CNTNAP2: variants seen among roughly 807,000 people sequenced by gnomAD.
The protein encoded by CNTNAP2 is contactin-associated protein-like 2.
CNTNAP2 carries 98 observed loss-of-function variants against 155.2 expected under a neutral mutation model. The ratio of observed to expected loss-of-function variants is 0.63; its 90% CI spans 0.54 to 0.75. The LOEUF (loss-of-function observed/expected upper bound fraction) is 0.75, where lower values mean the gene tolerates loss of function less well. CNTNAP2 is among the 30% of genes least tolerant of loss of function. The pLI, the probability that CNTNAP2 is intolerant of heterozygous loss-of-function variation, is 0.00. For missense variants in CNTNAP2, 1,727 were observed against 1,688.1 expected (o/e 1.02, Z -0.40); for synonymous variants, 651 against 631.2 (o/e 1.03, Z -0.47).
At chr7:147,335,548 A>G (rs1795650201) in intron 9 of CNTNAP2, among the ~76,000 whole-genome samples, 3 of 152,192 alleles carry the variant, frequency 2.0e-5, no homozygotes, top group African/African-American at 4.8e-5. Flanking sequence ...TTGAGCCCCC[A>G]AAGAAAATAA....
Position 147,903,498 on chromosome 7 carries a change from G to A in CNTNAP2, c.2099-67G>A. 6.5e-6 allele frequency: 10 copies of A among 1,533,052 alleles called. No homozygotes were observed. In the African/African-American group the frequency reaches 6.8e-5, roughly 10 times the overall value. 95.0% of individuals were successfully genotyped at this position (1,533,052 alleles called of 1,614,324 possible). A position where few individuals can be genotyped will look rare whatever the true frequency, so the allele number is the denominator to read the frequency against. ...TCAGAGTATTCCTGGGGAAGTGGGT[G>A]TAAGTGTGGCAGTCTAATGACTGAA... On this transcript the variant is annotated intron_variant, in intron 13 of 23. Coordinates refer to ENST00000361727, the MANE Select transcript of CNTNAP2 (RefSeq NM_014141.6).
At chr7:147,751,223 C>G (rs1797130789) in intron 13 of CNTNAP2, among the ~76,000 whole-genome samples, 1 of 150,832 alleles carries the variant, frequency 6.6e-6, no homozygotes, top group African/African-American at 2.4e-5. Flanking sequence ...TATCTGAAAC[C>G]TTCTGTACTT....
At chr7:148,107,181 G>T (rs1021149913) in intron 15 of CNTNAP2, among the ~76,000 whole-genome samples, 1 of 152,018 alleles carries the variant, frequency 6.6e-6, no homozygotes, top group African/African-American at 2.4e-5. Context: ...ACTAATAATG[G>T]GATTGACATG....
intron 10 of CNTNAP2, among the ~76,000 whole-genome samples, chr7:147,408,418 A>G (rs1797045756): frequency 6.6e-6 from 1 of 152,188 alleles, no homozygotes; most frequent in Non-Finnish European, 1.5e-5. Flanking sequence ...ACTGGCAGCT[A>G]CTAGTGAGGG....
In CNTNAP2 at chr7:146,995,326, A is replaced by G. The variant is rs1798286839; in HGVS notation, c.403-48581A>G. Among the ~76,000 whole-genome samples, 6 of 152,198 alleles carry G rather than the reference A, an allele frequency of 3.9e-5. 1 individual carries two copies. In the South Asian group the frequency reaches 1.2e-3, roughly 32 times the overall value. ...GAGCAGATACCTCTTCAACATAATG[A>G]CTTTATTTCCTTTGGATCTATACCA... On this transcript the variant is annotated intron_variant, in intron 3 of 23. Transcript: ENST00000361727.
At chr7:147,985,286 G>T (rs192753206) in intron 15 of CNTNAP2, among the ~76,000 whole-genome samples, 3 of 151,806 alleles carry the variant, frequency 2.0e-5, no homozygotes, top group African/African-American at 4.8e-5. Context: ...CACTGGGGGT[G>T]GGGGGTGGGG....
At chr7:146,171,452 A>G (rs1477572169) in intron 1 of CNTNAP2, among the ~76,000 whole-genome samples, 1 of 152,214 alleles carries the variant, frequency 6.6e-6, no homozygotes, top group Non-Finnish European at 1.5e-5. Context: ...CCAGCAAAAT[A>G]TTTTAAATAG....
At chr7:146,604,988 T>TGGGTG (rs1202225226) in intron 1 of CNTNAP2, among the ~76,000 whole-genome samples, 6 of 137,494 alleles carry the variant, frequency 4.4e-5, no homozygotes, top group Non-Finnish European at 7.9e-5. Flanking sequence ...GACGAGTTAG[T>TGGGTG]GGGTGCAGTG....
At chr7:146,804,936 C>T (rs1344604752) in intron 2 of CNTNAP2, among the ~76,000 whole-genome samples, 1 of 152,168 alleles carries the variant, frequency 6.6e-6, no homozygotes, top group African/African-American at 2.4e-5. Context: ...CCTCTTAATT[C>T]TCATACCTTT....
chr7:147,623,815 T>G (rs1794914111), intron 12 of CNTNAP2, among the ~76,000 whole-genome samples: 1 of 151,932 alleles, frequency 6.6e-6, no homozygotes, highest in African/African-American at 2.4e-5. Context: ...AGATCTATCC[T>G]GAACAAAAAG....
chr7:147,637,190 T>TA (rs1417090831), intron 12 of CNTNAP2, among the ~76,000 whole-genome samples: 1 of 152,128 alleles, frequency 6.6e-6, no homozygotes, highest in Non-Finnish European at 1.5e-5. Flanking sequence ...ATCTCACTTA[T>TA]ATTTGAAAAA....
chr7:148,059,065 G>A (rs1803079480), intron 15 of CNTNAP2, among the ~76,000 whole-genome samples: 1 of 152,012 alleles, frequency 6.6e-6, no homozygotes, highest in Non-Finnish European at 1.5e-5. Context: ...CGGATCACTT[G>A]AGGTCAGGAA....
In CNTNAP2 at chr7:147,525,739, G is replaced by A. The variant is rs187199101; in HGVS notation, c.1778-36399G>A. Among the ~76,000 whole-genome samples the A allele has an allele frequency of 2.9e-3, 437 of 152,176 alleles. 1 individual carries two copies. Among genetic ancestry groups the A allele is most frequent in the Middle Eastern group, 0.01 (3 of 294 alleles). ...ACATAGGGAAAAAATAAATTCTCTC[G>A]GATCAAGTTACTTCAGTAAACATAT... On this transcript the variant is annotated intron_variant, in intron 11 of 23. Transcript: ENST00000361727.
Position 148,353,865 on chromosome 7 carries a change from CA to C in CNTNAP2, c.3476-29779del, listed in dbSNP as rs1319509120. Among the ~76,000 whole-genome samples, 9 of 152,092 alleles carry C rather than the reference CA, an allele frequency of 5.9e-5. No homozygotes were observed. The South Asian group carries it at 1.2e-3, about 21-fold the overall frequency. On this transcript the variant is annotated intron_variant, in intron 21 of 23. Transcript: ENST00000361727. Reference sequence around the variant, plus strand: ...TTGATTCAAAAAGTCAAAAGTAAACCAAAAATTCCAATTTTATATTCCATTA... The same window carrying C: ...TTGATTCAAAAAGTCAAAAGTAAACCAAAATTCCAATTTTATATTCCATTA...
At chr7:146,960,042 G>C (rs187419282) in intron 3 of CNTNAP2, among the ~76,000 whole-genome samples, 1 of 152,068 alleles carries the variant, frequency 6.6e-6, no homozygotes. Context: ...AAATGTTTTC[G>C]TGTCACCTGA....
At chr7:147,413,657 G>A (rs1317269939) in intron 10 of CNTNAP2, among the ~76,000 whole-genome samples, 3 of 152,182 alleles carry the variant, frequency 2.0e-5, no homozygotes, top group Non-Finnish European at 4.4e-5. Flanking sequence ...CAGATCATCT[G>A]GGATCTTGTC....
chr7:147,886,210 C>T (rs763648661), intron 13 of CNTNAP2, among the ~76,000 whole-genome samples: 3 of 152,098 alleles, frequency 2.0e-5, no homozygotes, highest in East Asian at 1.9e-4. Context: ...CAGTGGCTCA[C>T]GCCTGTAATC....
At chr7:146,427,780 AT>A (rs1796114189) in intron 1 of CNTNAP2, among the ~76,000 whole-genome samples, 1 of 152,164 alleles carries the variant, frequency 6.6e-6, no homozygotes, top group African/African-American at 2.4e-5. Context: ...TGTACAGGTT[AT>A]TCAGTTTTGT....
At chr7:147,161,144 G>A (rs1439619302) in intron 8 of CNTNAP2, among the ~76,000 whole-genome samples, 1 of 152,052 alleles carries the variant, frequency 6.6e-6, no homozygotes, top group Non-Finnish European at 1.5e-5. Flanking sequence ...TGGGTAACTT[G>A]GTAAGTGATG....
Sources: allele counts gnomAD v4.1 joint callset (sites outside exome capture counted in the v4.1 genomes callset), GRCh38; gene constraint gnomAD v4.1.1; transcripts MANE v1.5; gene names NCBI Gene and HGNC (gene_info 2026-07-23, HGNC 2026-07-21).